The following GABPB1 variants were observed in gnomAD, a reference collection of about 807,000 sequenced individuals.
GABPB1 encodes the protein GA-binding protein subunit beta-1.
In GABPB1, 15 loss-of-function variants were observed where a neutral mutation model predicts 45.9. The observed-to-expected ratio is 0.33, with a 90% CI of 0.22 to 0.50. The LOEUF (loss-of-function observed/expected upper bound fraction) is 0.50. Ranked by LOEUF, GABPB1 falls within the 20% of genes least tolerant of loss-of-function variation. The pLI is 0.98. For synonymous variants in GABPB1, 143 were observed against 154.4 expected, an observed-to-expected ratio of 0.93 and a Z score of 0.55; for missense variants, 252 against 457.5, an observed-to-expected ratio of 0.55 and a Z score of 4.10.
intron 6 of GABPB1, among the ~76,000 whole-genome samples, chr15:50,290,181 A>G (rs1271421694): frequency 6.6e-6 from 1 of 152,228 alleles, no homozygotes; most frequent in Non-Finnish European, 1.5e-5. Flanking sequence ...ATAATTTACA[A>G]TACATCAGTT....
chr15:50,354,503 G>A lies in GABPB1; in HGVS notation c.-1+482C>T, dbSNP rs1296002115. 2.2e-5 allele frequency: 10 copies of A among 449,274 alleles called. 1 individual carries two copies. Among genetic ancestry groups the A allele is most frequent in the South Asian group, 1.3e-4 (8 of 63,912 alleles). 27.8% of individuals were successfully genotyped at this position (449,274 alleles called of 1,614,324 possible). A position where few individuals can be genotyped will look rare whatever the true frequency, so the allele number is the denominator to read the frequency against. On this transcript the variant is annotated intron_variant, in intron 1 of 8. Transcript: ENST00000380877. ...CCTCTCCGGAGAGCCCGGCGGGGCC[G>A]TCAGGCTGCCGAGACAAAGGGTACC...
intron 2 of GABPB1, among the ~76,000 whole-genome samples, chr15:50,306,985 C>T (rs1289307316): frequency 1.3e-5 from 2 of 151,898 alleles, no homozygotes; most frequent in Non-Finnish European, 2.9e-5. Context: ...AGATTGTTTC[C>T]AGTTTTTGTG....
intron 6 of GABPB1, among the ~76,000 whole-genome samples, chr15:50,294,081 A>G (rs1007772747): frequency 9.9e-5 from 15 of 152,234 alleles, no homozygotes; most frequent in Admixed American, 7.9e-4. Context: ...GATAATCTGC[A>G]GCACCTTTGA....
At chr15:50,311,497 T>G (rs1330814167) in intron 1 of GABPB1, among the ~76,000 whole-genome samples, 1 of 152,192 alleles carries the variant, frequency 6.6e-6, no homozygotes, top group Non-Finnish European at 1.5e-5. Context: ...ACAGGTTGAG[T>G]ATCCCTAATC....
At chr15:50,285,934 TAAAC>T (rs893776400) in intron 8 of GABPB1, 130 bp downstream of exon 8, 12 of 1,434,300 alleles carry the variant, frequency 8.4e-6, no homozygotes, top group African/African-American at 7.3e-5. Flanking sequence ...AAGGCAAAAA[TAAAC>T]AAAATGAAAA....
At chr15:50,353,775 A>C (rs1351329254) in intron 1 of GABPB1, 2 of 152,356 alleles carry the variant, frequency 1.3e-5, no homozygotes, top group African/African-American at 4.8e-5. Context: ...ATAATAAATG[A>C]GAGTGGATCT....
chr15:50,322,646 T>C (rs2047615504), intron 1 of GABPB1, among the ~76,000 whole-genome samples: 1 of 152,158 alleles, frequency 6.6e-6, no homozygotes, highest in Admixed American at 6.6e-5. Flanking sequence ...GCTATAAATA[T>C]AACATACCAG....
In GABPB1 at chr15:50,278,512, T is replaced by C; in HGVS notation, c.*120A>G. 6.1e-6 allele frequency: 4 copies of C among 656,938 alleles called. No homozygotes were observed. The highest frequency in any genetic ancestry group is 9.5e-6 in the Non-Finnish European group (4 of 422,106). 40.7% of individuals were successfully genotyped at this position (656,938 alleles called of 1,614,324 possible). On this transcript the variant is annotated 3_prime_UTR_variant, in exon 9 of 9. Transcript: ENST00000380877. ...CTCAGAGCTCATGGCTTAAGTCCAA[T>C]TATCCATCTGTAGTCTCTTCTATCA... is the stretch of plus-strand genomic sequence containing the variant.
At chr15:50,354,389 T>C (rs971558173) in intron 1 of GABPB1, 8 of 452,136 alleles carry the variant, frequency 1.8e-5, no homozygotes, top group Admixed American at 1.2e-4. Flanking sequence ...ATTAACCCTG[T>C]CTGGTCCGGC....
At chr15:50,341,960 C>G (rs1445266798) in intron 1 of GABPB1, among the ~76,000 whole-genome samples, 2 of 152,140 alleles carry the variant, frequency 1.3e-5, no homozygotes, top group Non-Finnish European at 2.9e-5. Context: ...TGACCTGTGC[C>G]TCACTGCAGC....
intron 1 of GABPB1, among the ~76,000 whole-genome samples, chr15:50,340,340 G>C (rs139899896): frequency 9.1e-4 from 139 of 152,160 alleles, no homozygotes; most frequent in Non-Finnish European, 1.9e-3. Flanking sequence ...GTTCTATGAA[G>C]TCTTCTTCAC....
chr15:50,315,466 AAT>A (rs1237322942), intron 1 of GABPB1, among the ~76,000 whole-genome samples: 1 of 152,240 alleles, frequency 6.6e-6, no homozygotes, highest in African/African-American at 2.4e-5. Flanking sequence ...CGGAAGGGGC[AAT>A]ACAAAATATT....
chr15:50,290,221 C>T (rs940283806), intron 6 of GABPB1, among the ~76,000 whole-genome samples: 1 of 152,136 alleles, frequency 6.6e-6, no homozygotes, highest in Admixed American at 6.5e-5. Context: ...AGTGGTTAAA[C>T]AATTTCTCAT....
At chr15:50,303,556 C>T (rs912667266) in intron 3 of GABPB1, among the ~76,000 whole-genome samples, 1 of 152,038 alleles carries the variant, frequency 6.6e-6, no homozygotes, top group Non-Finnish European at 1.5e-5. Flanking sequence ...GTGGTGGGCG[C>T]CTGTAGTCCC....
At chr15:50,346,343 G>C (rs1196626028) in intron 1 of GABPB1, 3 of 152,158 alleles carry the variant, frequency 2.0e-5, no homozygotes, top group South Asian at 2.1e-4. Context: ...TAAATTTATA[G>C]TGGCCAAGAA....
intron 6 of GABPB1, among the ~76,000 whole-genome samples, chr15:50,296,452 TTGTG>T (rs2046514598): frequency 6.6e-6 from 1 of 152,220 alleles, no homozygotes; most frequent in Non-Finnish European, 1.5e-5. Flanking sequence ...TAATTCAATA[TTGTG>T]TAATTCAAAT....
intron 8 of GABPB1, 101 bp from the exon 9 acceptor site, chr15:50,278,885 C>G: frequency 1.2e-6 from 1 of 862,208 alleles, no homozygotes; most frequent in Non-Finnish European, 1.7e-6. Context: ...ACCGTAGTAG[C>G]TAAAAGCAGC....
chr15:50,309,286 G>T (rs1481561157), intron 2 of GABPB1, among the ~76,000 whole-genome samples: 1 of 151,966 alleles, frequency 6.6e-6, no homozygotes, highest in African/African-American at 2.4e-5. Context: ...AGTTTTACAA[G>T]TAATAATTGA....
intron 1 of GABPB1, among the ~76,000 whole-genome samples, chr15:50,313,043 G>T (rs1007642269): frequency 1.3e-5 from 2 of 152,070 alleles, no homozygotes; most frequent in East Asian, 3.9e-4. Flanking sequence ...TCATAAAAAT[G>T]TGCAACTTCT....
Sources: allele counts gnomAD v4.1 joint callset (sites outside exome capture counted in the v4.1 genomes callset), GRCh38; gene constraint gnomAD v4.1.1; transcripts MANE v1.5; gene names NCBI Gene and HGNC (gene_info 2026-07-23, HGNC 2026-07-21).